The following EHD1 variants were observed in gnomAD, a reference collection of about 807,000 sequenced individuals.
The protein encoded by EHD1 is EH domain-containing protein 1.
EHD1 carries 19 observed loss-of-function variants against 39.0 expected under a neutral mutation model. The observed-to-expected ratio is 0.49, with a 90% CI of 0.34 to 0.72. EHD1 has a LOEUF of 0.72. Among genes scored for constraint, EHD1 ranks in the 30% least tolerant of loss-of-function variants. The probability of loss-of-function intolerance (pLI) is 0.01; values close to 1 mark genes in which losing one functional copy is unlikely to be tolerated. For missense variants in EHD1, 542 were observed against 751.5 expected, an observed-to-expected ratio of 0.72 and a Z score of 3.26; for synonymous variants, 323 against 331.2, an observed-to-expected ratio of 0.98 and a Z score of 0.27.
rs1010062866 is a variant in EHD1 at position 64,878,599 on chromosome 11, C to T, written c.-135G>A. 33 of 1,426,020 alleles carry T rather than the reference C, an allele frequency of 2.3e-5. No homozygotes were observed. The East Asian group carries it at 6.5e-4, about 28-fold the overall frequency. The allele number at this position is 1,426,020 out of a possible 1,614,324, so 88.3% of individuals were successfully genotyped here. ...CACTGCGCAGGCGCACAGCCCAGCC[C>T]GTCGAAGCGCCCTCTGCCGAATGCT... On this transcript the variant is annotated 5_prime_UTR_variant, in exon 1 of 5. Coordinates refer to ENST00000320631, the MANE Select transcript of EHD1 (RefSeq NM_006795.4).
intron 3 of EHD1, 37 bp downstream of exon 3, chr11:64,859,887 C>T (rs371252592): frequency 3.2e-6 from 5 of 1,578,084 alleles, no homozygotes; most frequent in African/African-American, 1.3e-5. Context: ...CATGGCCCTG[C>T]CTGGCAATAG....
chr11:64,867,511 G>A (rs1943780739), intron 2 of EHD1, among the ~76,000 whole-genome samples: 3 of 151,686 alleles, frequency 2.0e-5, no homozygotes, highest in Admixed American at 6.6e-5. Context: ...CTGAGGTCAA[G>A]AGTTCGAGAC....
intron 3 of EHD1, among the ~76,000 whole-genome samples, chr11:64,858,066 G>T (rs1291776009): frequency 6.7e-6 from 1 of 149,528 alleles, no homozygotes; most frequent in Non-Finnish European, 1.5e-5. Context: ...TAGAGACAGG[G>T]TCTCACTAGG....
upstream of EHD1, chr11:64,879,288 G>A (rs1420267865): frequency 2.0e-5 from 18 of 921,312 alleles, no homozygotes; most frequent in Non-Finnish European, 2.6e-5. Flanking sequence ...AGGCCGACGG[G>A]GTGGGAATGG....
At chr11:64,860,715 C>T (rs1199468254) in intron 2 of EHD1, among the ~76,000 whole-genome samples, 3 of 109,856 alleles carry the variant, frequency 2.7e-5, no homozygotes, top group African/African-American at 1.3e-4. Context: ...GCAAAACTGT[C>T]GCGAAAAAAA....
At chr11:64,877,027 G>C (rs1943892276) in intron 1 of EHD1, among the ~76,000 whole-genome samples, 1 of 152,204 alleles carries the variant, frequency 6.6e-6, no homozygotes, top group Non-Finnish European at 1.5e-5. Flanking sequence ...TGCAGGGCGG[G>C]GACCTGGAAG....
chr11:64,878,393 C>G lies in EHD1; in HGVS notation c.72G>C (p.Gly24=), dbSNP rs1236991039. Reference sequence around the variant, plus strand: ...GCTTCTGCGCGTACAGCTGCCGCAGCCCCTCAGCCACCGTCTGGAAGAGCT... The same window carrying G: ...GCTTCTGCGCGTACAGCTGCCGCAGGCCCTCAGCCACCGTCTGGAAGAGCT... ...EPELFQTVAE[G]LRQLYAQKLL... Residue 24 remains glycine (G), a synonymous_variant, in exon 1 of 5, where the codon GGG becomes GGC. Transcript: ENST00000320631. 4 of 1,613,974 alleles carry G rather than the reference C, an allele frequency of 2.5e-6. No homozygotes were observed. In the East Asian group the frequency reaches 6.7e-5, roughly 27 times the overall value.
chr11:64,874,548 C>T (rs749110923), intron 1 of EHD1, 30 bp from the exon 2 acceptor site: 27 of 1,550,654 alleles, frequency 1.7e-5, no homozygotes, highest in Middle Eastern at 1.7e-4. Flanking sequence ...AGAAGAGAGG[C>T]GTCAAGACAC....
At chr11:64,877,880 G>T in intron 1 of EHD1, 181 bp downstream of exon 1, 1 of 534,596 alleles carries the variant, frequency 1.9e-6, no homozygotes, top group Non-Finnish European at 3.0e-6. Context: ...CCCACTCTTA[G>T]ACCCCCAGTG....
At chr11:64,857,191 G>A (rs1052713760) in intron 3 of EHD1, among the ~76,000 whole-genome samples, 1 of 152,176 alleles carries the variant, frequency 6.6e-6, no homozygotes, top group Non-Finnish European at 1.5e-5. Context: ...TTGGGAGGCC[G>A]AGGCAGGCGG....
At chr11:64,859,730 G>C in intron 3 of EHD1, 194 bp downstream of exon 3, 1 of 752,888 alleles carries the variant, frequency 1.3e-6, no homozygotes, top group South Asian at 2.1e-5. Flanking sequence ...GCCGGGTAGA[G>C]AATCTTAGTT....
intron 1 of EHD1, among the ~76,000 whole-genome samples, chr11:64,876,893 T>C (rs546802416): frequency 6.6e-6 from 1 of 152,152 alleles, no homozygotes; most frequent in Admixed American, 6.5e-5. Context: ...CGGGCTGAAA[T>C]GCCTGGAAGT....
upstream of EHD1, chr11:64,879,673 C>T (rs758788183): frequency 1.4e-5 from 21 of 1,550,274 alleles, no homozygotes; most frequent in South Asian, 1.4e-4. Context: ...CACACAGACC[C>T]CTTTGGCTGT....
rs963829661 is a variant in EHD1, at chr11:64,878,284, C to T, written c.181G>A (p.Val61Met). ...GTGCTGTACTGCCCCACGAGGAGCA[C>T]CATAGGCTTGTTGTCGAAGTCAGCG... ...EDADFDNKPM[V>M]LLVGQYSTGK... is the part of the protein sequence containing the mutation. The change falls in exon 1 of 5, where the codon GTG (valine) becomes ATG (methionine). Residue 61 changes from valine (V) to methionine (M), a missense_variant. Val to Met is a conservative substitution (Grantham distance 21, BLOSUM62 1). Coordinates refer to ENST00000320631, the MANE Select transcript of EHD1 (RefSeq NM_006795.4). 2.5e-6 allele frequency: 4 copies of T among 1,614,046 alleles called. No individual in the cohort carries two copies. In the Admixed American group the frequency reaches 6.7e-5, roughly 27 times the overall value.
chr11:64,854,691 C>T lies in EHD1; in HGVS notation c.1247G>A (p.Gly416Asp), dbSNP rs758064042. Residue 416 changes from glycine (G) to aspartate (D), a missense_variant, in exon 5 of 5, where the codon GGC becomes GAC. Transcript: ENST00000320631. Reference protein sequence around the residue: ...SQVVKGGAFDGTMNGPFGHGY... With the variant: ...SQVVKGGAFDDTMNGPFGHGY... ...GTGCCCGAACGGCCCGTTCATGGTG[C>T]CGTCAAAGGCGCCGCCCTTGACCAC... The T allele has an allele frequency of 1.2e-6, 2 of 1,613,594 alleles. No individual in the cohort carries two copies. The highest frequency in any genetic ancestry group is 1.7e-6 in the Non-Finnish European group (2 of 1,179,994).
intron 1 of EHD1, among the ~76,000 whole-genome samples, chr11:64,876,869 G>A (rs958420007): frequency 2.0e-5 from 3 of 152,248 alleles, no homozygotes; most frequent in African/African-American, 4.8e-5. Flanking sequence ...ATCAACAGCC[G>A]TAAAACAGGA....
chr11:64,863,949 C>G (rs1286018050), intron 2 of EHD1, among the ~76,000 whole-genome samples: 2 of 152,198 alleles, frequency 1.3e-5, no homozygotes, highest in Non-Finnish European at 2.9e-5. Flanking sequence ...CAGGCTGGGG[C>G]AGGGGAAGCC....
chr11:64,878,932 C>T (rs1943923954), upstream of EHD1: 1 of 1,013,020 alleles, frequency 9.9e-7, no homozygotes, highest in African/African-American at 1.7e-5. Context: ...GGGCCGCGCG[C>T]CTTCCGGCAC....
At position 64,868,660 on chromosome 11, in the gene EHD1, G is replaced by A. The variant is rs1165608554; in HGVS notation, c.502+5761C>T. ...AGGTCAGTGGGCTGCCTGGGACCAG[G>A]AGTGACTATGAGGGGCACGGGAACT... On this transcript the variant is annotated intron_variant, in intron 2 of 4. Transcript: ENST00000320631. The surrounding 1 kb of genome is among the most constrained non-coding windows in gnomAD (Gnocchi z 4.2). Among the ~76,000 whole-genome samples, 1 of 152,240 alleles carries A rather than the reference G, an allele frequency of 6.6e-6. No homozygotes were observed. Among genetic ancestry groups the A allele is most frequent in the Non-Finnish European group, 1.5e-5 (1 of 68,050 alleles).
Sources: gnomAD v4.1 joint callset for allele counts (sites outside exome capture counted in the v4.1 genomes callset) on GRCh38, gnomAD v4.1.1 for gene constraint, Gnocchi (gnomAD v3.1) non-coding constraint, MANE v1.5 for transcripts, NCBI Gene and HGNC (gene_info 2026-07-23, HGNC 2026-07-21) for gene names.